Variants in WDR91 observed in about 807,000 individuals in gnomAD.
The protein encoded by WDR91 is WD repeat domain 91, also known as WD repeat-containing protein 91.
In WDR91, 52 loss-of-function variants were observed where a neutral mutation model predicts 88.4. That is an observed-to-expected ratio of 0.59 (90% CI 0.47 to 0.74). The LOEUF (loss-of-function observed/expected upper bound fraction) is 0.74. Ranked by LOEUF, WDR91 falls within the 30% of genes least tolerant of loss-of-function variation. The pLI, the probability that WDR91 is intolerant of heterozygous loss-of-function variation, is 0.00. For synonymous variants in WDR91, 362 were observed against 389.5 expected, an observed-to-expected ratio of 0.93 and a Z score of 0.83; for missense variants, 824 against 954.5, an observed-to-expected ratio of 0.86 and a Z score of 1.80.
intron 8 of WDR91, among the ~76,000 whole-genome samples, chr7:135,195,374 G>T (rs1831323681): frequency 6.6e-6 from 1 of 152,222 alleles, no homozygotes; most frequent in African/African-American, 2.4e-5. Context: ...GCAGTCTCTG[G>T]AGATTTAGAG....
chr7:135,211,266 C>G, intron 1 of WDR91, 114 bp downstream of exon 1: 1 of 1,432,430 alleles, frequency 7.0e-7, no homozygotes, highest in Non-Finnish European at 9.2e-7. Flanking sequence ...AGGTCTCCGG[C>G]GCCCCGGCGC....
At position 135,196,272 on chromosome 7, in the gene WDR91, C is replaced by G; in HGVS notation, c.1116G>C (p.Glu372Asp). The G allele has an allele frequency of 2.5e-6, 4 of 1,611,726 alleles. No homozygotes were observed. The highest frequency in any genetic ancestry group is 3.4e-6 in the Non-Finnish European group (4 of 1,178,790). ...EAEPCPELHT[E>D]PVEPLTRASS... is the part of the protein sequence containing the mutation. ...ATGCCCGAGTCAGTGGCTCCACTGGCTCCGTGTGGAGCTCTGGGCAGGGCT... is the reference window on the plus strand; with the variant it reads ...ATGCCCGAGTCAGTGGCTCCACTGGGTCCGTGTGGAGCTCTGGGCAGGGCT... The change falls in exon 8 of 15, where the codon GAG (glutamate) becomes GAC (aspartate). Residue 372 changes from glutamate (E) to aspartate (D), a missense_variant. Transcript: ENST00000354475. This position sits in a 1 kb window ranked among gnomAD's most constrained non-coding sequence, Gnocchi z 4.2.
chr7:135,187,035 G>A lies in WDR91; in HGVS notation c.2016C>T (p.Phe672=), dbSNP rs201322690. 8.2e-5 allele frequency: 133 copies of A among 1,614,250 alleles called. No homozygotes were observed. The East Asian group carries it at 1.4e-3, about 18-fold the overall frequency. The stretch of plus-strand genomic sequence containing the variant: ...TGTAATTTCCCTCCGAGTCAAAAGC[G>A]AAGAGTCGGCCCCTGGGGACTTGAA... ...KQVQVPRGRL[F]AFDSEGNYML... The change falls in exon 14 of 15, where the codon TTC becomes TTT. Residue 672 remains phenylalanine (F), a synonymous_variant. Coordinates refer to ENST00000354475, the MANE Select transcript of WDR91 (RefSeq NM_014149.4).
intron 11 of WDR91, among the ~76,000 whole-genome samples, chr7:135,189,868 C>T (rs1831096690): frequency 6.6e-6 from 1 of 152,198 alleles, no homozygotes; most frequent in African/African-American, 2.4e-5. Context: ...CACAGAAACA[C>T]TCAGAAATAT....
chr7:135,194,173 C>T (rs1831276674), intron 9 of WDR91, among the ~76,000 whole-genome samples: 2 of 152,322 alleles, frequency 1.3e-5, no homozygotes, highest in East Asian at 3.9e-4. Flanking sequence ...CCTTCAGGAA[C>T]TTGTGACTTA....
At chr7:135,197,082 T>C (rs1435495375) in intron 7 of WDR91, 1 of 152,124 alleles carries the variant, frequency 6.6e-6, no homozygotes, top group Non-Finnish European at 1.5e-5. Flanking sequence ...GCCAGGGCAC[T>C]CTCTACCAGC....
rs546937880 is a variant in WDR91 at position 135,184,826 on chromosome 7, A to G, written c.*1325T>C. ...GTTGGAGGAATGAGAGGAGCCACCA[A>G]ATGAAAAAGGTACAGGTTGAGCGTC... is the stretch of plus-strand genomic sequence containing the variant. On this transcript the variant is annotated 3_prime_UTR_variant, in exon 15 of 15. Transcript: ENST00000354475. 9 of 152,206 alleles carry G rather than the reference A, an allele frequency of 5.9e-5. No homozygotes were observed. Among genetic ancestry groups the G allele is most frequent in the Non-Finnish European group, 1.2e-4 (8 of 68,044 alleles). 9.4% of individuals were successfully genotyped at this position (152,206 alleles called of 1,614,324 possible).
At chr7:135,187,193 G>C (rs1324431206) in intron 13 of WDR91, 24 bp from the exon 14 acceptor site, 1 of 1,613,028 alleles carries the variant, frequency 6.2e-7, no homozygotes, top group Non-Finnish European at 8.5e-7. Context: ...GCACAAGCAG[G>C]GTGCTCGCAG....
At chr7:135,207,774 C>T (rs1438764626) in intron 3 of WDR91, among the ~76,000 whole-genome samples, 2 of 152,228 alleles carry the variant, frequency 1.3e-5, no homozygotes, top group East Asian at 3.8e-4. Context: ...CTGCCTCAGG[C>T]AGCTTCAGTT....
Position 135,208,954 on chromosome 7 carries a change from G to A in WDR91, c.348C>T (p.Ala116=), listed in dbSNP as rs1831912083. 2 of 1,614,134 alleles carry A rather than the reference G, an allele frequency of 1.2e-6. No individual in the cohort carries two copies. Among genetic ancestry groups the A allele is most frequent in the South Asian group, 2.2e-5 (2 of 91,076 alleles). The part of the protein sequence containing the change: ...DKAQEFFAKQ[A]TELQNQAEWK... ...ACTCAGCCTGGTTCTGGAGTTCCGTGGCCTGCTTTGCAAAGAACTCCTGAG... is the reference window on the plus strand; with the variant it reads ...ACTCAGCCTGGTTCTGGAGTTCCGTAGCCTGCTTTGCAAAGAACTCCTGAG... The change falls in exon 3 of 15, where the codon GCC becomes GCT. Residue 116 remains alanine (A), a synonymous_variant. Coordinates refer to ENST00000354475, the MANE Select transcript of WDR91 (RefSeq NM_014149.4).
In WDR91 at chr7:135,195,060, G is replaced by A. The variant is rs371439857; in HGVS notation, c.1269C>T (p.Val423=). The A allele has an allele frequency of 5.0e-5, 80 of 1,613,636 alleles. 1 individual carries two copies. Among genetic ancestry groups the A allele is most frequent in the East Asian group, 3.8e-4 (17 of 44,860 alleles). ...TGACCCCATCTACGTCTAAGCTGGC[G>A]ACTCTCCTCCCAGAGCAGTCCACTC... The part of the protein sequence containing the change: ...HCRVDCSGRR[V]ASLDVDGVIK... Residue 423 remains valine (V), a synonymous_variant, in exon 9 of 15, where the codon GTC becomes GTT. Coordinates refer to ENST00000354475, the MANE Select transcript of WDR91 (RefSeq NM_014149.4).
chr7:135,198,200 C>T (rs1831444680), intron 6 of WDR91, 49 bp from the exon 7 acceptor site: 2 of 1,580,234 alleles, frequency 1.3e-6, no homozygotes, highest in Admixed American at 1.7e-5. Flanking sequence ...CTGCCCAGGC[C>T]ATGATAAGCA....
chr7:135,207,521 G>A (rs927475150), intron 3 of WDR91, among the ~76,000 whole-genome samples: 2 of 152,200 alleles, frequency 1.3e-5, no homozygotes, highest in African/African-American at 4.8e-5. Context: ...GCATCCAGTG[G>A]ACTTCACAGC....
chr7:135,208,854 G>T lies in WDR91; in HGVS notation c.448C>A (p.Gln150Lys). The T allele has an allele frequency of 6.2e-7, 1 of 1,614,172 alleles. No individual in the cohort carries two copies. The highest frequency in any genetic ancestry group is 8.5e-7 in the Non-Finnish European group (1 of 1,180,012). ...NPTFATYFSR[Q>K]WADTFIVSLH... ...GACACAATGAAGGTGTCAGCCCACTGTCGAGAAAAGTAGGTAGCAAAGGTG... is the reference window on the plus strand; with the variant it reads ...GACACAATGAAGGTGTCAGCCCACTTTCGAGAAAAGTAGGTAGCAAAGGTG... Residue 150 changes from glutamine to lysine, a missense_variant, in exon 3 of 15, where the codon CAG becomes AAG. Gln to Lys is a moderately conservative substitution (Grantham distance 53). Coordinates refer to ENST00000354475, the MANE Select transcript of WDR91 (RefSeq NM_014149.4).
Position 135,193,227 on chromosome 7 carries a change from G to T in WDR91, c.1659+4C>A. 6.2e-7 allele frequency: 1 copy of T among 1,613,366 alleles called. No homozygotes were observed. Among genetic ancestry groups the T allele is most frequent in the Admixed American group, 1.7e-5 (1 of 60,022 alleles). ...CCAGAGAGAGCCACAGGGCAGGCCC[G>T]TACCTGCTGCTTCATGGTTTTCGTG... On this transcript the variant is annotated splice_donor_region_variant and intron_variant, in intron 11 of 14. Transcript: ENST00000354475.
chr7:135,196,228 C>T lies in WDR91; in HGVS notation c.1160G>A (p.Gly387Asp), dbSNP rs761395879. 1.2e-6 allele frequency: 2 copies of T among 1,612,212 alleles called. No individual in the cohort carries two copies. Among genetic ancestry groups the T allele is most frequent in the Non-Finnish European group, 1.7e-6 (2 of 1,179,082 alleles). ...LTRASSAGPE[G>D]GGVRPEQPFI... The stretch of plus-strand genomic sequence containing the variant: ...GGGCTGCTCGGGGCGGACTCCTCCA[C>T]CCTCAGGGCCTGCCGAGGATGCCCG... The change falls in exon 8 of 15, where the codon GGT becomes GAT. Residue 387 changes from glycine (G) to aspartate (D), a missense_variant. By Grantham distance (94) the Gly-to-Asp change is moderately conservative. Transcript: ENST00000354475. This position sits in a 1 kb window ranked among gnomAD's most constrained non-coding sequence, Gnocchi z 4.2.
intron 11 of WDR91, among the ~76,000 whole-genome samples, chr7:135,190,528 G>A (rs1367701612): frequency 6.6e-6 from 1 of 151,934 alleles, no homozygotes; most frequent in African/African-American, 2.4e-5. Flanking sequence ...CACCCACAGA[G>A]ACAACAGAGC....
At position 135,207,208 on chromosome 7, in the gene WDR91, C is replaced by G; in HGVS notation, c.512-6G>C. The G allele has an allele frequency of 6.2e-7, 1 of 1,602,624 alleles. No individual in the cohort carries two copies. The highest frequency in any genetic ancestry group is 8.5e-7 in the Non-Finnish European group (1 of 1,172,010). On this transcript the variant is annotated splice_region_variant and splice_polypyrimidine_tract_variant and intron_variant, in intron 3 of 14. Coordinates refer to ENST00000354475, the MANE Select transcript of WDR91 (RefSeq NM_014149.4). Reference sequence around the variant, plus strand: ...GTTCAGGATCACAGGGACTGGTGCACGAAGTTAAAGAATAAGCCAGCCCCT... The same window carrying G: ...GTTCAGGATCACAGGGACTGGTGCAGGAAGTTAAAGAATAAGCCAGCCCCT...
chr7:135,199,050 T>A (rs373472654), intron 6 of WDR91: 1 of 152,206 alleles, frequency 6.6e-6, no homozygotes, highest in African/African-American at 2.4e-5. Context: ...TTGAGACCAA[T>A]CTTCTCAAGA....
Sources: gnomAD v4.1 joint callset for allele counts (sites outside exome capture counted in the v4.1 genomes callset) on GRCh38, gnomAD v4.1.1 for gene constraint, Gnocchi (gnomAD v3.1) non-coding constraint, MANE v1.5 for transcripts, NCBI Gene and HGNC (gene_info 2026-07-23, HGNC 2026-07-21) for gene names.